LMX1B: variants seen among roughly 807,000 people sequenced by gnomAD.
LMX1B encodes the protein LIM homeobox transcription factor 1 beta.
LMX1B carries 12 observed loss-of-function variants against 51.4 expected under a neutral mutation model. The ratio of observed to expected loss-of-function variants is 0.23; its 90% CI spans 0.15 to 0.38. The LOEUF (loss-of-function observed/expected upper bound fraction) is 0.38, where lower values mean the gene tolerates loss of function less well. Among genes scored for constraint, LMX1B ranks in the 10% least tolerant of loss-of-function variants. The pLI is 1.00. For missense variants in LMX1B, 445 were observed against 571.1 expected, an observed-to-expected ratio of 0.78 and a Z score of 2.25; for synonymous variants, 237 against 235.4, an observed-to-expected ratio of 1.01 and a Z score of -0.06.
At chr9:126,645,257 C>G (rs1469069256) in intron 2 of LMX1B, among the ~76,000 whole-genome samples, 1 of 152,070 alleles carries the variant, frequency 6.6e-6, no homozygotes, top group Non-Finnish European at 1.5e-5. Context: ...TGATCCCTGG[C>G]AGACCCGTTC....
intron 2 of LMX1B, among the ~76,000 whole-genome samples, chr9:126,649,256 G>A (rs946647533): frequency 1.3e-5 from 2 of 151,918 alleles, no homozygotes; most frequent in Admixed American, 1.3e-4. Flanking sequence ...CTGCCTCCCC[G>A]GCCCTGAAGT....
In LMX1B at chr9:126,699,422, C is replaced by G. The variant is rs2030462930; in HGVS notation, c.*2971C>G. 6.6e-6 allele frequency: 1 copy of G among 152,256 alleles called. No individual in the cohort carries two copies. 9.4% of individuals were successfully genotyped at this position (152,256 alleles called of 1,614,324 possible). ...ACAAACCCCCGAATCCAGCCGGGAC[C>G]CCATGCCAGGAGCTGGTCTAGGGAC... On this transcript the variant is annotated 3_prime_UTR_variant, in exon 8 of 8. Transcript: ENST00000373474.
intron 2 of LMX1B, among the ~76,000 whole-genome samples, chr9:126,663,408 G>A (rs766833822): frequency 2.3e-4 from 34 of 147,968 alleles, no homozygotes; most frequent in South Asian, 1.3e-3. Context: ...TAGGCGACAA[G>A]GCAAGACTCT....
At chr9:126,663,258 C>A (rs937474543) in intron 2 of LMX1B, among the ~76,000 whole-genome samples, 1 of 151,888 alleles carries the variant, frequency 6.6e-6, no homozygotes, top group Admixed American at 6.6e-5. Context: ...GAAACCCCAT[C>A]TCTACTAAAA....
intron 2 of LMX1B, among the ~76,000 whole-genome samples, chr9:126,675,905 C>T (rs1400892711): frequency 4.0e-5 from 6 of 149,554 alleles, no homozygotes; most frequent in East Asian, 2.0e-4. Flanking sequence ...AAAAATTAGC[C>T]GGGCGTGGTA....
intron 2 of LMX1B, among the ~76,000 whole-genome samples, chr9:126,652,305 G>GAT (rs1284445709): frequency 6.8e-6 from 1 of 148,108 alleles, no homozygotes; most frequent in Non-Finnish European, 1.5e-5. Context: ...AAGGGGGGGG[G>GAT]GATTTTCTCT....
intron 4 of LMX1B, 69 bp from the exon 5 acceptor site, chr9:126,693,455 C>T: frequency 1.3e-6 from 2 of 1,571,122 alleles, no homozygotes; most frequent in Admixed American, 1.7e-5. Context: ...TCCCATCATA[C>T]CCCTAAACCC....
At chr9:126,646,001 A>G (rs1052474840) in intron 2 of LMX1B, among the ~76,000 whole-genome samples, 2 of 152,138 alleles carry the variant, frequency 1.3e-5, no homozygotes, top group African/African-American at 4.8e-5. Context: ...TCTGCCACCT[A>G]GTAGGCATTC....
chr9:126,683,349 G>C (rs1413064826), intron 2 of LMX1B, among the ~76,000 whole-genome samples: 1 of 152,160 alleles, frequency 6.6e-6, no homozygotes, highest in Middle Eastern at 3.2e-3. Context: ...TTTGCAGCTG[G>C]TTTGAGTTGG....
At chr9:126,632,606 C>T (rs1198228241) in intron 2 of LMX1B, among the ~76,000 whole-genome samples, 9 of 152,146 alleles carry the variant, frequency 5.9e-5, no homozygotes, top group Admixed American at 4.6e-4. Flanking sequence ...GGGATTAGAC[C>T]GGCGGGAGGA....
intron 2 of LMX1B, among the ~76,000 whole-genome samples, chr9:126,660,527 A>T (rs1341771188): frequency 6.6e-6 from 1 of 152,152 alleles, no homozygotes; most frequent in East Asian, 1.9e-4. Context: ...CAAGACACTT[A>T]CCCTCTTTGT....
At chr9:126,622,527 C>G (rs1171252283) in intron 2 of LMX1B, among the ~76,000 whole-genome samples, 1 of 152,236 alleles carries the variant, frequency 6.6e-6, no homozygotes, top group Admixed American at 6.5e-5. Flanking sequence ...CCAGGAACTT[C>G]AGCAGCGGTG....
At chr9:126,675,181 C>T (rs1397117709) in intron 2 of LMX1B, among the ~76,000 whole-genome samples, 1 of 152,046 alleles carries the variant, frequency 6.6e-6, no homozygotes, top group African/African-American at 2.4e-5. Flanking sequence ...CAAAACCCCC[C>T]CAAAATACAC....
At position 126,626,118 on chromosome 9, in the gene LMX1B, A is replaced by C. The variant is rs1054324462; in HGVS notation, c.326+10549A>C. On this transcript the variant is annotated intron_variant, in intron 2 of 7. Coordinates refer to ENST00000373474, the MANE Select transcript of LMX1B (RefSeq NM_001174147.2). The surrounding 1 kb of genome is among the most constrained non-coding windows in gnomAD (Gnocchi z 4.3). ...CAGTGGAACCGGAGGGGGACTTCGGAGGAATTTGTCTCTGATGTCCCGGCT... is the reference window on the plus strand; with the variant it reads ...CAGTGGAACCGGAGGGGGACTTCGGCGGAATTTGTCTCTGATGTCCCGGCT... Among the ~76,000 whole-genome samples, 4 of 152,144 alleles carry C rather than the reference A, an allele frequency of 2.6e-5. No individual in the cohort carries two copies. Among genetic ancestry groups the C allele is most frequent in the Non-Finnish European group, 5.9e-5 (4 of 68,012 alleles).
chr9:126,614,802 C>T (rs1272493001), intron 1 of LMX1B, among the ~76,000 whole-genome samples: 13 of 152,162 alleles, frequency 8.5e-5, no homozygotes, highest in Non-Finnish European at 1.9e-4. Flanking sequence ...AGTCGCCACC[C>T]ACCATCCTTT....
intron 2 of LMX1B, among the ~76,000 whole-genome samples, chr9:126,617,561 T>G (rs191253191): frequency 2.0e-4 from 30 of 152,146 alleles, no homozygotes; most frequent in African/African-American, 4.8e-4. Flanking sequence ...AAATTTCAGC[T>G]GGATGTTGCC....
At chr9:126,684,551 C>T (rs577093618) in intron 2 of LMX1B, among the ~76,000 whole-genome samples, 2 of 152,290 alleles carry the variant, frequency 1.3e-5, no homozygotes, top group South Asian at 4.1e-4. Context: ...GGCTGTGCAT[C>T]ACCCGAGGCT....
At chr9:126,648,045 C>T (rs1233171197) in intron 2 of LMX1B, among the ~76,000 whole-genome samples, 6 of 152,236 alleles carry the variant, frequency 3.9e-5, no homozygotes, top group African/African-American at 9.6e-5. Flanking sequence ...GGCCCTGACT[C>T]TATGCACAAT....
At chr9:126,683,131 C>T (rs892761198) in intron 2 of LMX1B, among the ~76,000 whole-genome samples, 3 of 151,000 alleles carry the variant, frequency 2.0e-5, no homozygotes, top group Non-Finnish European at 3.0e-5. Context: ...CCGCAGGAAG[C>T]GCAGGGGCAG....
Sources: gnomAD v4.1 joint callset for allele counts (sites outside exome capture counted in the v4.1 genomes callset) on GRCh38, gnomAD v4.1.1 for gene constraint, Gnocchi (gnomAD v3.1) non-coding constraint, MANE v1.5 for transcripts, NCBI Gene and HGNC (gene_info 2026-07-23, HGNC 2026-07-21) for gene names.